The following CERKL variants were observed in gnomAD, a reference collection of about 807,000 sequenced individuals.
The protein encoded by CERKL is CERK like autophagy regulator.
In CERKL, 61 loss-of-function variants were observed where a neutral mutation model predicts 63.4. That is an observed-to-expected ratio of 0.96 (90% CI 0.78 to 1.19). The LOEUF (loss-of-function observed/expected upper bound fraction) is 1.19, where lower values mean the gene tolerates loss of function less well. Ranked by LOEUF, CERKL falls within the 50% of genes most tolerant of loss-of-function variation. The probability of loss-of-function intolerance (pLI) is 0.00; values close to 1 mark genes in which losing one functional copy is unlikely to be tolerated. For missense variants in CERKL, 675 were observed against 655.5 expected, an observed-to-expected ratio of 1.03 and a Z score of -0.33; for synonymous variants, 250 against 230.5, an observed-to-expected ratio of 1.08 and a Z score of -0.77.
intron 1 of CERKL, among the ~76,000 whole-genome samples, chr2:181,617,932 T>C (rs1472201829): frequency 6.6e-6 from 1 of 152,248 alleles, no homozygotes; most frequent in Non-Finnish European, 1.5e-5. Context: ...CCTTAGATAC[T>C]TGAATCAAAG....
chr2:181,631,494 C>T (rs1686953630), intron 1 of CERKL, among the ~76,000 whole-genome samples: 2 of 152,116 alleles, frequency 1.3e-5, no homozygotes, highest in South Asian at 2.1e-4. Flanking sequence ...ATTCCCTTTA[C>T]ACCCCTCCAC....
At chr2:181,559,592 T>C (rs905686452) in intron 4 of CERKL, among the ~76,000 whole-genome samples, 5 of 152,170 alleles carry the variant, frequency 3.3e-5, no homozygotes, top group African/African-American at 7.2e-5. Context: ...TGAGGCCTAA[T>C]GGACCCAGAT....
At chr2:181,586,078 C>T (rs1241408051) in intron 2 of CERKL, among the ~76,000 whole-genome samples, 1 of 152,104 alleles carries the variant, frequency 6.6e-6, no homozygotes, top group Non-Finnish European at 1.5e-5. Flanking sequence ...GTAAACCTAT[C>T]TCCCATGAAA....
intron 2 of CERKL, among the ~76,000 whole-genome samples, chr2:181,588,273 C>T (rs951259698): frequency 2.6e-5 from 4 of 152,134 alleles, no homozygotes; most frequent in Non-Finnish European, 5.9e-5. Context: ...CTATCGCATA[C>T]CCCTGGTCAC....
chr2:181,617,476 C>T (rs748114732), intron 1 of CERKL: 4 of 152,004 alleles, frequency 2.6e-5, no homozygotes, highest in Admixed American at 6.6e-5. Context: ...AGAGCTTTGT[C>T]AATGATAAAA....
chr2:181,538,160 AT>A lies in CERKL; in HGVS notation c.*23del. ...TTTATATTAAAATTCTAGTTTGTAC[AT>A]TTCTTTTAGAAACAATTACATGTTA... is the stretch of plus-strand genomic sequence containing the variant. On this transcript the variant is annotated 3_prime_UTR_variant, in exon 13 of 13. Coordinates refer to ENST00000410087, the MANE Select transcript of CERKL (RefSeq NM_201548.5). 6.8e-7 allele frequency: 1 copy of A among 1,467,174 alleles called. No individual in the cohort carries two copies. Among genetic ancestry groups the A allele is most frequent in the Non-Finnish European group, 9.5e-7 (1 of 1,048,890 alleles). The allele number at this position is 1,467,174 out of a possible 1,614,324, so 90.9% of individuals were successfully genotyped here. A position where few individuals can be genotyped will look rare whatever the true frequency, so the allele number is the denominator to read the frequency against.
chr2:181,591,644 C>G (rs937061499), intron 2 of CERKL, among the ~76,000 whole-genome samples: 18 of 152,052 alleles, frequency 1.2e-4, no homozygotes, highest in South Asian at 6.2e-4. Context: ...CAAATGGGCA[C>G]ATGCCTTGTT....
intron 1 of CERKL, among the ~76,000 whole-genome samples, chr2:181,628,312 T>G (rs1402316432): frequency 6.6e-6 from 1 of 152,190 alleles, no homozygotes; most frequent in East Asian, 1.9e-4. Context: ...CCTAAGGAGC[T>G]CTGTCGTACT....
chr2:181,584,103 G>A (rs146276606), intron 2 of CERKL, among the ~76,000 whole-genome samples: 173 of 152,308 alleles, frequency 1.1e-3, no homozygotes, highest in African/African-American at 3.2e-3. Context: ...GTTAAGATCT[G>A]TAGAATCAAG....
At position 181,588,235 on chromosome 2, in the gene CERKL, G is replaced by A. The variant is rs116169918; in HGVS notation, c.482-14351C>T. 3.9e-3 allele frequency among the ~76,000 whole-genome samples: 592 copies of A among 152,084 alleles called. 3 individuals are homozygous for A. The highest frequency in any genetic ancestry group is 6.7e-3 in the Non-Finnish European group (455 of 68,002). The stretch of plus-strand genomic sequence containing the variant: ...CTATCTAACTGAAATCCTGTATCCC[G>A]TGACCAACATCTCCTTGATCCCTCA... On this transcript the variant is annotated intron_variant, in intron 2 of 12. Coordinates refer to ENST00000410087, the MANE Select transcript of CERKL (RefSeq NM_201548.5).
At chr2:181,629,000 CAGA>C (rs1216181415) in intron 1 of CERKL, among the ~76,000 whole-genome samples, 1 of 152,126 alleles carries the variant, frequency 6.6e-6, no homozygotes, top group Non-Finnish European at 1.5e-5. Context: ...CTTAAATACT[CAGA>C]AGATTTTTCA....
intron 1 of CERKL, among the ~76,000 whole-genome samples, chr2:181,614,008 G>T (rs554443592): frequency 6.6e-6 from 1 of 152,304 alleles, no homozygotes; most frequent in Non-Finnish European, 1.5e-5. Context: ...TTTATTTAAA[G>T]TCTTGAGCCA....
At chr2:181,592,963 C>G (rs1467108748) in intron 2 of CERKL, among the ~76,000 whole-genome samples, 3 of 152,070 alleles carry the variant, frequency 2.0e-5, no homozygotes, top group Non-Finnish European at 4.4e-5. Flanking sequence ...TCTCAAAGGG[C>G]TAAAGAGTTT....
intron 2 of CERKL, chr2:181,603,635 A>G: frequency 1.6e-6 from 1 of 644,096 alleles, no homozygotes; most frequent in South Asian, 1.6e-5. Context: ...CCACATTAAC[A>G]GGATGTAGGG....
At chr2:181,656,731 G>T (rs778322117) in intron 1 of CERKL, 38 bp downstream of exon 1, 1 of 1,509,410 alleles carries the variant, frequency 6.6e-7, no homozygotes, top group Non-Finnish European at 9.0e-7. Context: ...GGGAGGAAGC[G>T]CGGAGGGAGG....
intron 2 of CERKL, among the ~76,000 whole-genome samples, chr2:181,602,284 AATT>A (rs1405420156): frequency 1.4e-4 from 22 of 152,164 alleles, no homozygotes; most frequent in African/African-American, 5.1e-4. Context: ...TGACTCTCCT[AATT>A]AAATGACATA....
intron 1 of CERKL, among the ~76,000 whole-genome samples, chr2:181,641,302 C>CATATATATAT (rs1174454591): frequency 1.3e-4 from 13 of 97,104 alleles, no homozygotes; most frequent in South Asian, 3.1e-4. Flanking sequence ...TATGTGTATG[C>CATATATATAT]ATATATATAT....
intron 3 of CERKL, among the ~76,000 whole-genome samples, chr2:181,570,345 C>A (rs1688850969): frequency 6.6e-6 from 1 of 152,192 alleles, no homozygotes; most frequent in African/African-American, 2.4e-5. Flanking sequence ...AGTCTGATTT[C>A]TCTGCTGCCT....
chr2:181,572,301 T>C (rs1410216138), intron 3 of CERKL, among the ~76,000 whole-genome samples: 1 of 152,206 alleles, frequency 6.6e-6, no homozygotes, highest in Non-Finnish European at 1.5e-5. Flanking sequence ...TTAAGCATTT[T>C]TTTGAATCTC....
Sources: allele counts gnomAD v4.1 joint callset (sites outside exome capture counted in the v4.1 genomes callset), GRCh38; gene constraint gnomAD v4.1.1; transcripts MANE v1.5; gene names NCBI Gene and HGNC (gene_info 2026-07-23, HGNC 2026-07-21).